The following ADAM10 variants were observed in gnomAD, a reference collection of about 807,000 sequenced individuals.
The protein encoded by ADAM10 is ADAM metallopeptidase domain 10.
Under a neutral mutation model 90.1 loss-of-function variants are expected in ADAM10, and 17 were observed. That is an observed-to-expected ratio of 0.19 (90% CI 0.13 to 0.28). The LOEUF (loss-of-function observed/expected upper bound fraction) is 0.28. Among genes scored for constraint, ADAM10 ranks in the 10% least tolerant of loss-of-function variants. ADAM10 has a pLI of 1.00. For missense variants in ADAM10, 610 were observed against 914.3 expected (o/e 0.67, Z 4.29); for synonymous variants, 310 against 298.6 (o/e 1.04, Z -0.40).
chr15:58,655,720 T>C (rs1181966556), intron 5 of ADAM10, among the ~76,000 whole-genome samples: 3 of 75,038 alleles, frequency 4.0e-5, no homozygotes, highest in African/African-American at 1.3e-4. Context: ...AGTATATATA[T>C]ATATATATAT....
intron 10 of ADAM10, among the ~76,000 whole-genome samples, chr15:58,626,651 T>C (rs1304865376): frequency 6.6e-6 from 1 of 152,182 alleles, no homozygotes; most frequent in Non-Finnish European, 1.5e-5. Flanking sequence ...CTCTGATACA[T>C]GCTACAACAC....
chr15:58,704,991 G>C, intron 2 of ADAM10, among the ~76,000 whole-genome samples: 1 of 152,100 alleles, frequency 6.6e-6, no homozygotes, highest in East Asian at 1.9e-4. Flanking sequence ...TTAGTCTCCA[G>C]CAAGTCTTTG....
At chr15:58,641,372 A>G (rs989139708) in intron 7 of ADAM10, among the ~76,000 whole-genome samples, 2 of 152,162 alleles carry the variant, frequency 1.3e-5, no homozygotes, top group African/African-American at 4.8e-5. Context: ...AGGATATAAA[A>G]CCCTGTATTT....
chr15:58,631,742 C>T (rs1896109090), intron 9 of ADAM10, among the ~76,000 whole-genome samples: 1 of 152,192 alleles, frequency 6.6e-6, no homozygotes, highest in African/African-American at 2.4e-5. Context: ...GGACACTTAT[C>T]TGCTCTTGAA....
At chr15:58,689,546 TGAAA>T (rs1223857940) in intron 2 of ADAM10, among the ~76,000 whole-genome samples, 6 of 151,744 alleles carry the variant, frequency 4.0e-5, no homozygotes, top group Non-Finnish European at 7.4e-5. Flanking sequence ...TTTTTAATGC[TGAAA>T]GAAAAACAAT....
At chr15:58,621,290 A>AAG (rs1895777870) in intron 11 of ADAM10, among the ~76,000 whole-genome samples, 181 bp downstream of exon 11, 1 of 149,464 alleles carries the variant, frequency 6.7e-6, no homozygotes, top group Non-Finnish European at 1.5e-5. Context: ...AAAAAAAAAA[A>AAG]GTAGTTCAAT....
rs916896493 is a variant in ADAM10, at chr15:58,596,266, C to A, written c.*1281G>T. The A allele has an allele frequency of 6.6e-6, 1 of 152,198 alleles. No homozygotes were observed. The highest frequency in any genetic ancestry group is 6.5e-5 in the Admixed American group (1 of 15,276). 9.4% of individuals were successfully genotyped at this position (152,198 alleles called of 1,614,324 possible). ...AATTTTTGTAATGCCCCTTCTATTT[C>A]CTGCATAGCAATAAGCCTGTTAATA... On this transcript the variant is annotated 3_prime_UTR_variant, in exon 16 of 16. Transcript: ENST00000260408.
intron 10 of ADAM10, among the ~76,000 whole-genome samples, chr15:58,621,835 T>C (rs1402288232): frequency 6.6e-6 from 1 of 152,220 alleles, no homozygotes. Flanking sequence ...AGTTTCTCAA[T>C]CTGTACAGTG....
intron 8 of ADAM10, among the ~76,000 whole-genome samples, chr15:58,633,820 C>T (rs1428413237): frequency 6.6e-6 from 1 of 150,392 alleles, no homozygotes; most frequent in African/African-American, 2.4e-5. Context: ...AGCAGTGAGG[C>T]ACATGAGCAC....
At chr15:58,733,187 C>G (rs1899314629) in intron 1 of ADAM10, 1 of 152,232 alleles carries the variant, frequency 6.6e-6, no homozygotes, top group Middle Eastern at 3.2e-3. Context: ...ATAGCATGAT[C>G]ATAAAAGAGA....
At chr15:58,614,601 G>A (rs1395207199) in intron 11 of ADAM10, among the ~76,000 whole-genome samples, 3 of 151,990 alleles carry the variant, frequency 2.0e-5, no homozygotes, top group African/African-American at 7.2e-5. Context: ...ATTTCTGAAG[G>A]ATAGTTTACA....
chr15:58,690,753 G>T (rs1897756131), intron 2 of ADAM10, among the ~76,000 whole-genome samples: 1 of 152,232 alleles, frequency 6.6e-6, no homozygotes, highest in African/African-American at 2.4e-5. Flanking sequence ...CTTCTTCCAT[G>T]TGAAACACAT....
chr15:58,749,562 C>T lies in ADAM10; in HGVS notation c.-28G>A, dbSNP rs780669459. On this transcript the variant is annotated 5_prime_UTR_variant, in exon 1 of 16. Transcript: ENST00000260408. ...TCCGCTGCCGCTGCCGCCGCCGCCG[C>T]CTCCTCACGGGTTAACAGCAGCACA... is the stretch of plus-strand genomic sequence containing the variant. 3.9e-6 allele frequency: 6 copies of T among 1,549,714 alleles called. No individual in the cohort carries two copies. Among genetic ancestry groups the T allele is most frequent in the South Asian group, 1.2e-5 (1 of 83,868 alleles).
chr15:58,617,108 C>CAAAAAATA (rs1200862730), intron 11 of ADAM10, among the ~76,000 whole-genome samples: 2 of 150,064 alleles, frequency 1.3e-5, no homozygotes, highest in African/African-American at 4.9e-5. Flanking sequence ...GACTCCGTCT[C>CAAAAAATA]AAAAAATAAA....
Position 58,748,853 on chromosome 15 carries a change from G to A in ADAM10, c.55+627C>T, listed in dbSNP as rs1899878624. 14 of 398,686 alleles carry A rather than the reference G, an allele frequency of 3.5e-5. No homozygotes were observed. In the East Asian group the frequency reaches 5.0e-4, roughly 14 times the overall value. 24.7% of individuals were successfully genotyped at this position (398,686 alleles called of 1,614,324 possible). ...GGAAGAACCGAGGCCACTAGTCTCA[G>A]ATAAGCGGGTGATGACTGCTGCCAC... is the stretch of plus-strand genomic sequence containing the variant. On this transcript the variant is annotated intron_variant, in intron 1 of 15. Transcript: ENST00000260408.
intron 1 of ADAM10, among the ~76,000 whole-genome samples, chr15:58,720,458 T>C (rs956611591): frequency 3.6e-4 from 54 of 151,894 alleles, no homozygotes; most frequent in African/African-American, 5.3e-4. Flanking sequence ...TGCAGTTCAA[T>C]GGCACAATCT....
rs1321259959 is a variant in ADAM10, at chr15:58,688,290, G to C, written c.207-5976C>G. On this transcript the variant is annotated intron_variant, in intron 2 of 15. Coordinates refer to ENST00000260408, the MANE Select transcript of ADAM10 (RefSeq NM_001110.4). ...CACCTGTAGTCCCAGTATTTTGGGAGGGCAAGGTGGGAAGATTGCTTGAGC... is the reference window on the plus strand; with the variant it reads ...CACCTGTAGTCCCAGTATTTTGGGACGGCAAGGTGGGAAGATTGCTTGAGC... Among the ~76,000 whole-genome samples, 13 of 152,160 alleles carry C rather than the reference G, an allele frequency of 8.5e-5. 1 individual carries two copies. Among genetic ancestry groups the C allele is most frequent in the Admixed American group, 8.5e-4 (13 of 15,280 alleles).
At chr15:58,647,707 T>C (rs1896587383) in intron 5 of ADAM10, among the ~76,000 whole-genome samples, 1 of 152,108 alleles carries the variant, frequency 6.6e-6, no homozygotes, top group Non-Finnish European at 1.5e-5. Flanking sequence ...TGTATCACCA[T>C]GCCTGGCTAA....
chr15:58,601,265 T>C (rs8032988), intron 14 of ADAM10, among the ~76,000 whole-genome samples: 13,154 of 151,920 alleles, frequency 0.087, 1,242 homozygotes, highest in African/African-American at 0.24. Context: ...AGTTCGAGAC[T>C]AGCCAGGCCC....
Sources: gnomAD v4.1 joint callset for allele counts (sites outside exome capture counted in the v4.1 genomes callset) on GRCh38, gnomAD v4.1.1 for gene constraint, MANE v1.5 for transcripts, NCBI Gene and HGNC (gene_info 2026-07-23, HGNC 2026-07-21) for gene names.